PPFIA1: variants seen among roughly 807,000 people sequenced by gnomAD.
PPFIA1 encodes liprin-alpha-1.
In PPFIA1, 25 loss-of-function variants were observed where a neutral mutation model predicts 149.9. That is an observed-to-expected ratio of 0.17 (90% CI 0.12 to 0.23). PPFIA1 has a LOEUF of 0.23. Ranked by LOEUF, PPFIA1 falls within the 10% of genes least tolerant of loss-of-function variation. The pLI, the probability that PPFIA1 is intolerant of heterozygous loss-of-function variation, is 1.00. For synonymous variants in PPFIA1, 549 were observed against 552.8 expected (o/e 0.99, Z 0.10); for missense variants, 1,362 against 1,506.5 (o/e 0.90, Z 1.59).
At chr11:70,333,061 G>A (rs752391230) in intron 9 of PPFIA1, 20 of 459,006 alleles carry the variant, frequency 4.4e-5, no homozygotes, top group Non-Finnish European at 1.7e-5. Flanking sequence ...TGCTAAGGAA[G>A]CTAAACTGTT....
chr11:70,336,752 A>G (rs547626569), intron 11 of PPFIA1, among the ~76,000 whole-genome samples: 1 of 152,344 alleles, frequency 6.6e-6, no homozygotes, highest in African/African-American at 2.4e-5. Flanking sequence ...TCTAATGGGC[A>G]GCAGCTGGAT....
At chr11:70,327,941 G>GGAATTCACCACAT (rs2054420669) in intron 7 of PPFIA1, among the ~76,000 whole-genome samples, 3 of 152,176 alleles carry the variant, frequency 2.0e-5, no homozygotes, top group Admixed American at 2.0e-4. Context: ...ATTTCATGTA[G>GGAATTCACCACAT]GAATTCACCA....
intron 2 of PPFIA1, among the ~76,000 whole-genome samples, chr11:70,299,014 G>A (rs1448667394): frequency 6.6e-6 from 1 of 152,132 alleles, no homozygotes; most frequent in Admixed American, 6.5e-5. Flanking sequence ...TGAGGCAGGC[G>A]GATCACTTGA....
intron 26 of PPFIA1, among the ~76,000 whole-genome samples, chr11:70,379,644 G>A (rs1027186015): frequency 3.3e-5 from 5 of 151,634 alleles, no homozygotes; most frequent in East Asian, 3.9e-4. Flanking sequence ...AAAACTGTGC[G>A]AATGGGGTTT....
chr11:70,348,597 G>A (rs2055861323), intron 16 of PPFIA1, among the ~76,000 whole-genome samples, 177 bp downstream of exon 16: 1 of 152,184 alleles, frequency 6.6e-6, no homozygotes, highest in Non-Finnish European at 1.5e-5. Flanking sequence ...TTAATATCTG[G>A]GGCCGGGCGT....
At position 70,270,816 on chromosome 11, in the gene PPFIA1, G is replaced by C. The variant is rs1484349482; in HGVS notation, c.-99G>C. The C allele has an allele frequency of 6.7e-6, 1 of 150,006 alleles. No individual in the cohort carries two copies. The highest frequency in any genetic ancestry group is 6.6e-5 in the Admixed American group (1 of 15,092). 9.3% of individuals were successfully genotyped at this position (150,006 alleles called of 1,614,324 possible). On this transcript the variant is annotated 5_prime_UTR_variant, in exon 1 of 28. Transcript: ENST00000253925. Reference sequence around the variant, plus strand: ...GCGTGGGGCGGGCAGGCGGACGCCGGCCGCGGGCTGCTTTCGTCGGCTCCC... The same window carrying C: ...GCGTGGGGCGGGCAGGCGGACGCCGCCCGCGGGCTGCTTTCGTCGGCTCCC...
chr11:70,289,937 T>C (rs1348757251), intron 2 of PPFIA1, among the ~76,000 whole-genome samples: 1 of 152,116 alleles, frequency 6.6e-6, no homozygotes, highest in Non-Finnish European at 1.5e-5. Context: ...TTAAAAAGTT[T>C]ATTATTTTTC....
chr11:70,338,315 TAAGTGGTTTTAAA>T (rs2055105452), intron 12 of PPFIA1, 46 bp from the exon 13 acceptor site: 1 of 1,325,958 alleles, frequency 7.5e-7, no homozygotes, highest in African/African-American at 1.5e-5. Context: ...ACATTTGAAG[TAAGTGGTTTTAAA>T]ATCTAAAAGA....
chr11:70,375,063 G>A lies in PPFIA1; in HGVS notation c.3285G>A (p.Leu1095=), dbSNP rs755207984. The A allele has an allele frequency of 9.4e-5, 151 of 1,612,428 alleles. No individual in the cohort carries two copies. Among genetic ancestry groups the A allele is most frequent in the Admixed American group, 1.7e-4 (10 of 59,442 alleles). Residue 1095 remains leucine, a synonymous_variant, in exon 24 of 28, where the codon CTG becomes CTA. Transcript: ENST00000253925. The part of the protein sequence containing the change: ...DETFDFSALA[L]LLQIPTQNTQ... ...CCTTCGACTTCAGTGCACTGGCACT[G>A]CTGTTACAGATCCCGACGCAGAACA...
intron 2 of PPFIA1, among the ~76,000 whole-genome samples, chr11:70,302,754 G>A (rs2052569761): frequency 6.7e-6 from 1 of 150,202 alleles, no homozygotes; most frequent in Non-Finnish European, 1.5e-5. Flanking sequence ...TGTAGCCGTA[G>A]ATACTCTCAA....
chr11:70,332,395 C>T (rs563472797), intron 9 of PPFIA1, among the ~76,000 whole-genome samples: 9 of 152,216 alleles, frequency 5.9e-5, no homozygotes, highest in Middle Eastern at 3.4e-3. Flanking sequence ...GGATAGAAGT[C>T]TCTGTAAAAG....
At chr11:70,318,618 G>A (rs1034438653) in intron 2 of PPFIA1, among the ~76,000 whole-genome samples, 7 of 152,142 alleles carry the variant, frequency 4.6e-5, no homozygotes, top group African/African-American at 1.7e-4. Context: ...AGAATTTTCT[G>A]TACTCCCTGC....
At position 70,348,328 on chromosome 11, in the gene PPFIA1, A is replaced by G. The variant is rs1475030811; in HGVS notation, c.2071A>G (p.Ser691Gly). Reference protein sequence around the residue: ...IPPYPASSLASSSPPGSGRST... With the variant: ...IPPYPASSLAGSSPPGSGRST... ...CCCCTACCCTGCTTCCTCGCTTGCTAGCTCCTCCCCTCCGGGCAGTGGGCG... is the reference window on the plus strand; with the variant it reads ...CCCCTACCCTGCTTCCTCGCTTGCTGGCTCCTCCCCTCCGGGCAGTGGGCG... Residue 691 changes from serine to glycine, a missense_variant, in exon 16 of 28, where the codon AGC becomes GGC. Ser to Gly is a moderately conservative substitution (Grantham distance 56). Around this residue, in one of 7 missense-constraint regions of PPFIA1, gnomAD observed 733 missense variants for 744.1 expected, o/e 0.99. Transcript: ENST00000253925. 1.2e-6 allele frequency: 2 copies of G among 1,614,152 alleles called. No homozygotes were observed. Among genetic ancestry groups the G allele is most frequent in the Non-Finnish European group, 1.7e-6 (2 of 1,180,024 alleles).
At chr11:70,355,279 C>G (rs1216738989) in intron 17 of PPFIA1, among the ~76,000 whole-genome samples, 3 of 152,142 alleles carry the variant, frequency 2.0e-5, no homozygotes, top group African/African-American at 7.2e-5. Flanking sequence ...TTAATTTTTG[C>G]AGTAACCCCT....
At chr11:70,311,635 T>G (rs1015020641) in intron 2 of PPFIA1, among the ~76,000 whole-genome samples, 3 of 152,156 alleles carry the variant, frequency 2.0e-5, no homozygotes, top group African/African-American at 7.2e-5. Context: ...GTTAGAGGGC[T>G]GGTGGCGATA....
chr11:70,362,728 T>C (rs1021113257), intron 21 of PPFIA1: 7 of 359,620 alleles, frequency 1.9e-5, no homozygotes, highest in Non-Finnish European at 3.0e-5. Context: ...TATAAAAATA[T>C]GAGCTTTTTT....
chr11:70,339,901 A>G (rs188312152), intron 14 of PPFIA1, among the ~76,000 whole-genome samples: 1 of 152,204 alleles, frequency 6.6e-6, no homozygotes, highest in Non-Finnish European at 1.5e-5. Flanking sequence ...CTATAATCCC[A>G]GCTACTCAGA....
At chr11:70,328,314 T>C (rs1292354850) in intron 7 of PPFIA1, among the ~76,000 whole-genome samples, 1 of 152,180 alleles carries the variant, frequency 6.6e-6, no homozygotes, top group African/African-American at 2.4e-5. Flanking sequence ...CTCCCACTTA[T>C]AAGTGAGAAC....
At chr11:70,279,572 T>G (rs1197851959) in intron 2 of PPFIA1, among the ~76,000 whole-genome samples, 1 of 143,060 alleles carries the variant, frequency 7.0e-6, no homozygotes, top group Non-Finnish European at 1.5e-5. Flanking sequence ...TTGTGTACAT[T>G]AGGCATTTTT....
Sources: gnomAD v4.1 joint callset for allele counts (sites outside exome capture counted in the v4.1 genomes callset) on GRCh38, gnomAD v4.1.1 for gene constraint, gnomAD v4.1.1 regional missense constraint, MANE v1.5 for transcripts, NCBI Gene and HGNC (gene_info 2026-07-23, HGNC 2026-07-21) for gene names.